The following ATP11C variants were observed in gnomAD, a reference collection of about 807,000 sequenced individuals.
ATP11C encodes ATPase phospholipid transporting 11C (ATP11C blood group), also known as phospholipid-transporting ATPase IG.
Under a neutral mutation model 97.4 loss-of-function variants are expected in ATP11C, and 36 were observed. The ratio of observed to expected loss-of-function variants is 0.37; its 90% CI spans 0.28 to 0.49. The LOEUF (loss-of-function observed/expected upper bound fraction) is 0.49. Ranked by LOEUF, ATP11C falls within the 20% of genes least tolerant of loss-of-function variation. The pLI, the probability that ATP11C is intolerant of heterozygous loss-of-function variation, is 0.98. For missense variants in ATP11C, 730 were observed against 824.6 expected, an observed-to-expected ratio of 0.89 and a Z score of 1.40; for synonymous variants, 275 against 290.9, an observed-to-expected ratio of 0.95 and a Z score of 0.56.
At chrX:139,924,655 G>C (rs1249235401) in intron 1 of ATP11C, among the ~76,000 whole-genome samples, 1 of 111,196 alleles carries the variant, frequency 9.0e-6, no homozygotes, top group Non-Finnish European at 1.9e-5. Flanking sequence ...TTGGGGTCTG[G>C]AATTTTGCTG....
intron 2 of ATP11C, among the ~76,000 whole-genome samples, chrX:139,821,996 A>G (rs1391017772): frequency 8.9e-6 from 1 of 112,176 alleles, no homozygotes; most frequent in Non-Finnish European, 1.9e-5. Flanking sequence ...AGTTATTCAA[A>G]TTAACTTGTT....
intron 1 of ATP11C, among the ~76,000 whole-genome samples, chrX:139,861,545 C>G (rs2084196149): frequency 9.0e-6 from 1 of 111,276 alleles, no homozygotes; most frequent in Non-Finnish European, 1.9e-5. Flanking sequence ...CTTGTAACAA[C>G]TCTGTGATGT....
intron 1 of ATP11C, among the ~76,000 whole-genome samples, chrX:139,894,368 ACT>A: frequency 8.9e-6 from 1 of 112,315 alleles, no homozygotes; most frequent in East Asian, 2.8e-4. Flanking sequence ...ACTTTTCACT[ACT>A]TACGAATACG....
chrX:139,776,615 C>G (rs1289644103), intron 18 of ATP11C, among the ~76,000 whole-genome samples: 1 of 111,452 alleles, frequency 9.0e-6, no homozygotes, highest in Non-Finnish European at 1.9e-5. Context: ...CATACCCCAA[C>G]CTGATCTCCA....
chrX:139,886,832 C>CT (rs2084650862), intron 1 of ATP11C, among the ~76,000 whole-genome samples: 1 of 110,009 alleles, frequency 9.1e-6, no homozygotes, highest in South Asian at 3.9e-4. Flanking sequence ...AATCCCGTTT[C>CT]TTTTTCAAAA....
chrX:139,787,544 C>T (rs924611445), intron 14 of ATP11C, among the ~76,000 whole-genome samples: 8 of 112,528 alleles, frequency 7.1e-5, no homozygotes, highest in East Asian at 5.6e-4. Context: ...GTGATCCACC[C>T]GCCTTGGCCT....
At chrX:139,774,669 G>A (rs753931823) in intron 19 of ATP11C, 21 bp downstream of exon 19, 7 of 1,181,334 alleles carry the variant, frequency 5.9e-6, no homozygotes, top group South Asian at 5.6e-5. Context: ...CTAAATATAA[G>A]AAACTGATGT....
At chrX:139,744,125 A>G (rs1301547567) in intron 25 of ATP11C, among the ~76,000 whole-genome samples, 8 of 111,863 alleles carry the variant, frequency 7.2e-5, no homozygotes, top group Non-Finnish European at 1.5e-4. Flanking sequence ...CAAAAAAAAA[A>G]GCAGATACCA....
chrX:139,726,759 A>C lies in ATP11C; in HGVS notation c.*2207T>G, dbSNP rs1442597800. 8.9e-6 allele frequency: 1 copy of C among 112,104 alleles called. No homozygotes were observed. The highest frequency in any genetic ancestry group is 1.9e-5 in the Non-Finnish European group (1 of 53,137). The allele number at this position is 112,104 out of a possible 1,213,427, so 9.2% of individuals were successfully genotyped here. On this transcript the variant is annotated 3_prime_UTR_variant, in exon 30 of 30. Coordinates refer to ENST00000682941, the MANE Select transcript of ATP11C (RefSeq NM_001353812.2). ...ATTTTGATAGCTCAAAATTATTCAA[A>C]TTATAGGTAGATGATCTTATTATAT... is the stretch of plus-strand genomic sequence containing the variant.
At chrX:139,782,289 T>C (rs1293136238) in intron 18 of ATP11C, among the ~76,000 whole-genome samples, 1 of 106,040 alleles carries the variant, frequency 9.4e-6, no homozygotes, top group East Asian at 3.0e-4. Context: ...ACCGCGCCAC[T>C]GCACTCCAGC....
intron 1 of ATP11C, among the ~76,000 whole-genome samples, chrX:139,852,623 G>A (rs1395641860): frequency 2.7e-5 from 3 of 109,458 alleles, no homozygotes; most frequent in Non-Finnish European, 5.7e-5. Flanking sequence ...GTGTATGCGT[G>A]AATGATCACC....
In ATP11C at chrX:139,843,299, T is replaced by G. The variant is rs756919489; in HGVS notation, c.28-16476A>C. Among the ~76,000 whole-genome samples, 3 of 111,722 alleles carry G rather than the reference T, an allele frequency of 2.7e-5. No individual in the cohort carries two copies. The South Asian group carries it at 1.1e-3, about 42-fold the overall frequency. ...ATGAAGAATTCTATAGATGGACAGA[T>G]GGAAAGATGGATGGATGGAAGAATT... is the stretch of plus-strand genomic sequence containing the variant. On this transcript the variant is annotated intron_variant, in intron 1 of 29. Coordinates refer to ENST00000682941, the MANE Select transcript of ATP11C (RefSeq NM_001353812.2).
chrX:139,859,823 T>C (rs113559152), intron 1 of ATP11C, among the ~76,000 whole-genome samples: 11,801 of 86,967 alleles, frequency 0.14, 2,940 homozygotes, highest in African/African-American at 0.58. Flanking sequence ...AGTGCTTGGC[T>C]GGGCGCGGTG....
intron 1 of ATP11C, among the ~76,000 whole-genome samples, chrX:139,855,434 G>C (rs1303455567): frequency 4.5e-5 from 5 of 111,244 alleles, no homozygotes; most frequent in Non-Finnish European, 9.4e-5. Context: ...AGGAAAACTC[G>C]AGCCAGCCTG....
At chrX:139,855,474 C>T (rs1415185536) in intron 1 of ATP11C, among the ~76,000 whole-genome samples, 2 of 111,409 alleles carry the variant, frequency 1.8e-5, no homozygotes, top group South Asian at 3.8e-4. Flanking sequence ...CTGCTAACCA[C>T]CGCTGTTCGT....
intron 1 of ATP11C, among the ~76,000 whole-genome samples, chrX:139,853,587 G>A (rs2084038839): frequency 9.1e-6 from 1 of 110,072 alleles, no homozygotes; most frequent in African/African-American, 3.3e-5. Context: ...GGTCTTCTCC[G>A]TGACCCTATA....
intron 1 of ATP11C, among the ~76,000 whole-genome samples, chrX:139,905,652 A>T (rs1231578966): frequency 1.8e-5 from 2 of 112,095 alleles, no homozygotes; most frequent in African/African-American, 6.5e-5. Context: ...TCATTAAACA[A>T]ATGAGTTATC....
intron 20 of ATP11C, 61 bp downstream of exon 20, chrX:139,768,199 C>A: frequency 1.2e-6 from 1 of 850,682 alleles, no homozygotes; most frequent in Non-Finnish European, 1.5e-6. Flanking sequence ...AAAAAATAAA[C>A]ATTTGCACAT....
At chrX:139,898,606 A>G (rs1329470643) in intron 1 of ATP11C, among the ~76,000 whole-genome samples, 1 of 111,323 alleles carries the variant, frequency 9.0e-6, no homozygotes, top group Non-Finnish European at 1.9e-5. Context: ...TTACACAAAT[A>G]CGTTAGGTTC....
Sources: gnomAD v4.1 joint callset for allele counts (sites outside exome capture counted in the v4.1 genomes callset) on GRCh38, gnomAD v4.1.1 for gene constraint, MANE v1.5 for transcripts, NCBI Gene and HGNC (gene_info 2026-07-23, HGNC 2026-07-21) for gene names.